PTPRO: variants seen among roughly 807,000 people sequenced by gnomAD.
PTPRO encodes receptor-type tyrosine-protein phosphatase O.
In PTPRO, 62 loss-of-function variants were observed where a neutral mutation model predicts 145.2. The ratio of observed to expected loss-of-function variants is 0.43; its 90% CI spans 0.35 to 0.53. PTPRO has a LOEUF of 0.53. Among genes scored for constraint, PTPRO ranks in the 20% least tolerant of loss-of-function variants. The pLI, the probability that PTPRO is intolerant of heterozygous loss-of-function variation, is 0.01. For missense variants in PTPRO, 1,345 were observed against 1,482.7 expected, an observed-to-expected ratio of 0.91 and a Z score of 1.53; for synonymous variants, 565 against 514.7, an observed-to-expected ratio of 1.10 and a Z score of -1.32.
At chr12:15,455,858 T>C (rs1213611290) in intron 1 of PTPRO, among the ~76,000 whole-genome samples, 1 of 152,172 alleles carries the variant, frequency 6.6e-6, no homozygotes, top group Admixed American at 6.5e-5. Flanking sequence ...TTCTTTTTCT[T>C]GCCTAATTGC....
intron 1 of PTPRO, among the ~76,000 whole-genome samples, chr12:15,369,047 A>G (rs1938447001): frequency 6.6e-6 from 1 of 152,136 alleles, no homozygotes; most frequent in Admixed American, 6.6e-5. Context: ...TAGTTTGCCA[A>G]TGTGCTGCTT....
intron 1 of PTPRO, among the ~76,000 whole-genome samples, chr12:15,379,696 T>C (rs548132603): frequency 2.0e-5 from 3 of 152,294 alleles, no homozygotes; most frequent in Admixed American, 6.5e-5. Context: ...GTACTTATGT[T>C]ATATAATTCA....
chr12:15,354,116 T>G (rs2136234515), intron 1 of PTPRO, among the ~76,000 whole-genome samples: 1 of 152,304 alleles, frequency 6.6e-6, no homozygotes, highest in South Asian at 2.1e-4. Flanking sequence ...CACTAAATTT[T>G]TTTTTAAAAA....
chr12:15,516,378 C>T (rs12309904), intron 8 of PTPRO, among the ~76,000 whole-genome samples: 21,148 of 111,450 alleles, frequency 0.19, 1,836 homozygotes, highest in Non-Finnish European at 0.25. Flanking sequence ...AAAGAAAGAA[C>T]GAACGAAAGA....
At chr12:15,375,611 C>A (rs1938659793) in intron 1 of PTPRO, among the ~76,000 whole-genome samples, 2 of 151,692 alleles carry the variant, frequency 1.3e-5, no homozygotes, top group African/African-American at 4.8e-5. Context: ...CAAAAATTAG[C>A]CAGGCACGGT....
intron 7 of PTPRO, among the ~76,000 whole-genome samples, chr12:15,510,034 A>T (rs780096605): frequency 2.6e-5 from 4 of 152,176 alleles, no homozygotes; most frequent in Non-Finnish European, 1.5e-5. Flanking sequence ...TTCTTCCCTA[A>T]AGGCAAAAGG....
chr12:15,567,378 CTCCTCTTTTTCTTTT>C (rs1385481229), intron 18 of PTPRO, among the ~76,000 whole-genome samples: 1 of 151,348 alleles, frequency 6.6e-6, no homozygotes, highest in Admixed American at 6.6e-5. Context: ...TTTCCATCAC[CTCCTCTTTTTCTTTT>C]TCCTCTGTAG....
At chr12:15,403,703 A>C (rs1939566454) in intron 1 of PTPRO, among the ~76,000 whole-genome samples, 1 of 152,056 alleles carries the variant, frequency 6.6e-6, no homozygotes, top group African/African-American at 2.4e-5. Context: ...CCCTACAATC[A>C]CTTCTTACCA....
intron 1 of PTPRO, among the ~76,000 whole-genome samples, chr12:15,466,865 T>C (rs1407450151): frequency 6.6e-6 from 1 of 152,154 alleles, no homozygotes; most frequent in Non-Finnish European, 1.5e-5. Flanking sequence ...TATTTCATGA[T>C]TGAAAAAGAA....
intron 17 of PTPRO, among the ~76,000 whole-genome samples, chr12:15,564,286 T>C (rs1357756253): frequency 1.3e-5 from 2 of 152,234 alleles, no homozygotes; most frequent in Non-Finnish European, 2.9e-5. Context: ...CCTGCATTAT[T>C]TTCTCTTCAT....
chr12:15,548,345 G>A (rs1943353474), intron 13 of PTPRO, among the ~76,000 whole-genome samples: 1 of 152,260 alleles, frequency 6.6e-6, no homozygotes, highest in Non-Finnish European at 1.5e-5. Flanking sequence ...TGAGTAACTT[G>A]CAAAATGTCT....
chr12:15,589,874 G>A (rs575340410), intron 25 of PTPRO, among the ~76,000 whole-genome samples: 56 of 152,278 alleles, frequency 3.7e-4, no homozygotes, highest in African/African-American at 1.3e-3. Context: ...AGAGTCAATT[G>A]CAGATAACAG....
At chr12:15,510,964 C>G (rs555770888) in intron 7 of PTPRO, among the ~76,000 whole-genome samples, 1 of 136,764 alleles carries the variant, frequency 7.3e-6, no homozygotes, top group African/African-American at 2.7e-5. Flanking sequence ...CTCAGAAGTT[C>G]GAGACCAGCC....
At chr12:15,539,159 T>C (rs1017169307) in intron 12 of PTPRO, among the ~76,000 whole-genome samples, 1 of 149,614 alleles carries the variant, frequency 6.7e-6, no homozygotes, top group Non-Finnish European at 1.5e-5. Flanking sequence ...ATCAGAAGGG[T>C]GAGGGGGTGG....
chr12:15,548,345 G>T (rs1943353474), intron 13 of PTPRO, among the ~76,000 whole-genome samples: 1 of 152,142 alleles, frequency 6.6e-6, no homozygotes, highest in African/African-American at 2.4e-5. Context: ...TGAGTAACTT[G>T]CAAAATGTCT....
chr12:15,532,508 A>G (rs572400195), intron 12 of PTPRO, among the ~76,000 whole-genome samples: 19 of 152,258 alleles, frequency 1.2e-4, no homozygotes, highest in Admixed American at 5.9e-4. Flanking sequence ...CCTGACCACA[A>G]AAGAACAGCT....
At chr12:15,498,482 C>CA (rs1393920146) in intron 3 of PTPRO, among the ~76,000 whole-genome samples, 1 of 152,120 alleles carries the variant, frequency 6.6e-6, no homozygotes, top group African/African-American at 2.4e-5. Context: ...CCCTTGAACC[C>CA]AGGAGGCAGA....
intron 12 of PTPRO, among the ~76,000 whole-genome samples, chr12:15,531,574 C>T (rs368144297): frequency 4.6e-5 from 7 of 152,144 alleles, no homozygotes; most frequent in East Asian, 1.9e-4. Context: ...CCATTTATTG[C>T]GGTATACATT....
At chr12:15,540,267 A>G (rs1457471253) in intron 12 of PTPRO, among the ~76,000 whole-genome samples, 2 of 152,236 alleles carry the variant, frequency 1.3e-5, no homozygotes, top group African/African-American at 4.8e-5. Context: ...GCTGCTTAAC[A>G]TAGAGTTGCT....
Sources: allele counts gnomAD v4.1 joint callset (sites outside exome capture counted in the v4.1 genomes callset), GRCh38; gene constraint gnomAD v4.1.1; transcripts MANE v1.5; gene names NCBI Gene and HGNC (gene_info 2026-07-23, HGNC 2026-07-21).